The following PCDHGA6 variants were observed in gnomAD, a reference collection of about 807,000 sequenced individuals.
PCDHGA6 encodes the protein protocadherin gamma subfamily A, 6, also known as protocadherin gamma-A6.
A neutral mutation model predicts 60.6 loss-of-function variants in PCDHGA6; 41 were observed. That is an observed-to-expected ratio of 0.68 (90% confidence interval 0.53 to 0.88). The LOEUF (loss-of-function observed/expected upper bound fraction) is 0.88, where lower values mean the gene tolerates loss of function less well. Among genes scored for constraint, PCDHGA6 ranks in the 40% least tolerant of loss-of-function variants. The pLI is 0.00. For synonymous variants in PCDHGA6, 594 were observed against 524.4 expected (o/e 1.13, Z -1.81); for missense variants, 1,312 against 1,203.0 (o/e 1.09, Z -1.34).
chr5:141,375,681 C>T lies in PCDHGA6; in HGVS notation c.1598C>T (p.Thr533Ile). 2.5e-6 allele frequency: 4 copies of T among 1,614,270 alleles called. No individual in the cohort carries two copies. The highest frequency in any genetic ancestry group is 3.4e-6 in the Non-Finnish European group (4 of 1,180,052). The change falls in exon 1 of 4, where the codon ACA becomes ATA. Residue 533 changes from threonine (T) to isoleucine (I), a missense_variant. Coordinates refer to ENST00000517434, the MANE Select transcript of PCDHGA6 (RefSeq NM_018919.3). ...TTGAGAGACCTACAGCTGTGGGTGA[C>T]AGCCAGCGACAGCGGGGACCCGCCT... ...EQLRDLQLWV[T>I]ASDSGDPPLS...
Position 141,485,447 on chromosome 5 carries a change from C to G in PCDHGA6, c.2425-9360C>G, listed in dbSNP as rs1233800346. 6.2e-7 allele frequency: 1 copy of G among 1,614,144 alleles called. No individual in the cohort carries two copies. The highest frequency in any genetic ancestry group is 8.5e-7 in the Non-Finnish European group (1 of 1,180,036). On this transcript the variant is annotated intron_variant, in intron 1 of 3. Transcript: ENST00000517434. This position sits in a 1 kb window ranked among gnomAD's most constrained non-coding sequence, Gnocchi z 5.7. ...CCTGCTCATCAAGAACCCAATCGAC[C>G]GAGAGGCACTGTGTGGGCTCAGTGC... is the stretch of plus-strand genomic sequence containing the variant.
intron 1 of PCDHGA6, among the ~76,000 whole-genome samples, chr5:141,454,357 TAGAA>T (rs758087339): frequency 3.5e-4 from 54 of 152,354 alleles, no homozygotes; most frequent in Non-Finnish European, 6.3e-4. Context: ...GATCCAAACT[TAGAA>T]AGGAGTATGG....
In PCDHGA6 at chr5:141,376,345, C is replaced by G. The variant is rs747833428; in HGVS notation, c.2262C>G (p.Ser754=). ...TTCGGGCTTTCCTGCAGACCTATTC[C>G]CACGAGGTCTCACTCACTGCAGACT... ...EGVRAFLQTY[S]HEVSLTADSR... Residue 754 remains serine (S), a synonymous_variant, in exon 1 of 4, where the codon TCC becomes TCG. Coordinates refer to ENST00000517434, the MANE Select transcript of PCDHGA6 (RefSeq NM_018919.3). 1 of 1,614,084 alleles carries G rather than the reference C, an allele frequency of 6.2e-7. No individual in the cohort carries two copies. The highest frequency in any genetic ancestry group is 1.3e-5 in the African/African-American group (1 of 74,924).
intron 1 of PCDHGA6, among the ~76,000 whole-genome samples, chr5:141,467,087 C>T (rs1159093881): frequency 3.4e-5 from 5 of 147,240 alleles, no homozygotes; most frequent in African/African-American, 1.3e-4. Context: ...AAGTCTCACT[C>T]TGTCACACAG....
chr5:141,408,801 T>C, intron 1 of PCDHGA6: 1 of 1,613,142 alleles, frequency 6.2e-7, no homozygotes, highest in Admixed American at 1.7e-5. Context: ...GAGAAACTCC[T>C]AGACCGGGAA....
chr5:141,393,261 G>A lies in PCDHGA6; in HGVS notation c.2424+16754G>A, dbSNP rs567943150. 16 of 1,613,898 alleles carry A rather than the reference G, an allele frequency of 9.9e-6. 1 individual carries two copies. Among genetic ancestry groups the A allele is most frequent in the South Asian group, 1.1e-5 (1 of 91,090 alleles). ...AATTAACGAAATCGCGGTTCCTGGAGCACGTTATCCACTCCCAGAAGCTGT... is the reference window on the plus strand; with the variant it reads ...AATTAACGAAATCGCGGTTCCTGGAACACGTTATCCACTCCCAGAAGCTGT... On this transcript the variant is annotated intron_variant, in intron 1 of 3. Transcript: ENST00000517434.
intron 1 of PCDHGA6, chr5:141,390,294 TA>T: frequency 6.2e-7 from 1 of 1,613,956 alleles, no homozygotes; most frequent in South Asian, 1.1e-5. Flanking sequence ...GAGTTTCCTT[TA>T]AGTATAATTT....
rs761264372 is a variant in PCDHGA6 at position 141,489,500 on chromosome 5, A to G, written c.2425-5307A>G. 12 of 1,614,112 alleles carry G rather than the reference A, an allele frequency of 7.4e-6. No individual in the cohort carries two copies. In the South Asian group the frequency reaches 1.3e-4, roughly 18 times the overall value. On this transcript the variant is annotated intron_variant, in intron 1 of 3. Coordinates refer to ENST00000517434, the MANE Select transcript of PCDHGA6 (RefSeq NM_018919.3). This position sits in a 1 kb window ranked among gnomAD's most constrained non-coding sequence, Gnocchi z 4.5. ...TTGATGAGTGGTGCCCTGGCAGTGA[A>G]TCAAAAGATTGACCGAGAAAGCCTA...
intron 1 of PCDHGA6, chr5:141,441,477 C>T (rs529495102): frequency 1.2e-4 from 20 of 170,782 alleles, no homozygotes; most frequent in Middle Eastern, 5.7e-4. Context: ...ATGCCAACGA[C>T]AATGCTCTGG....
intron 1 of PCDHGA6, chr5:141,427,093 G>A (rs1446677593): frequency 2.2e-6 from 1 of 458,122 alleles, no homozygotes. Flanking sequence ...CAGGATGAGG[G>A]TGTCAATGCG....
intron 1 of PCDHGA6, among the ~76,000 whole-genome samples, chr5:141,470,385 T>C (rs1278833959): frequency 1.3e-5 from 2 of 152,206 alleles, no homozygotes; most frequent in Non-Finnish European, 2.9e-5. Flanking sequence ...GACTACTCGA[T>C]GATATTTAGG....
At position 141,405,389 on chromosome 5, in the gene PCDHGA6, T is replaced by C. The variant is rs577174600; in HGVS notation, c.2424+28882T>C. ...CCCTTTGGTTCCGGTGAGTTCATTT[T>C]TTTTCTTTCTTTCTTTTCTTTTTTT... On this transcript the variant is annotated intron_variant, in intron 1 of 3. Transcript: ENST00000517434. The C allele has an allele frequency of 2.5e-6, 4 of 1,600,534 alleles. No individual in the cohort carries two copies. The East Asian group carries it at 6.7e-5, about 27-fold the overall frequency.
At chr5:141,414,691 T>A (rs2095777481) in intron 1 of PCDHGA6, 1 of 1,613,848 alleles carries the variant, frequency 6.2e-7, no homozygotes, top group African/African-American at 1.3e-5. Context: ...GGTACCTCTG[T>A]CCTCATACAT....
At chr5:141,455,899 ATTTATTT>A (rs1441561749) in intron 1 of PCDHGA6, among the ~76,000 whole-genome samples, 5 of 148,258 alleles carry the variant, frequency 3.4e-5, no homozygotes, top group African/African-American at 1.2e-4. Context: ...TTATTTATTT[ATTTATTT>A]ATTTATTTTG....
intron 1 of PCDHGA6, chr5:141,413,863 G>A (rs1367797365): frequency 1.9e-6 from 3 of 1,613,356 alleles, no homozygotes; most frequent in Admixed American, 1.7e-5. Flanking sequence ...ATCTGGCACT[G>A]TCCTTGTCAG....
chr5:141,413,328 C>G, intron 1 of PCDHGA6: 1 of 1,614,004 alleles, frequency 6.2e-7, no homozygotes, highest in Non-Finnish European at 8.5e-7. Context: ...TCGTGGGCAA[C>G]ATCTCCAAGG....
intron 1 of PCDHGA6, chr5:141,389,423 C>T: frequency 1.9e-6 from 3 of 1,613,516 alleles, no homozygotes; most frequent in Admixed American, 1.7e-5. Context: ...GGGTGGTGTT[C>T]GCGCAGCGCG....
intron 1 of PCDHGA6, chr5:141,395,290 T>A: frequency 6.5e-7 from 1 of 1,529,840 alleles, no homozygotes; most frequent in Non-Finnish European, 8.8e-7. Flanking sequence ...TTATTTGGCA[T>A]AAATTATGTT....
chr5:141,421,051 A>G (rs1330155141), intron 1 of PCDHGA6: 8 of 559,830 alleles, frequency 1.4e-5, no homozygotes, highest in South Asian at 2.6e-5. Flanking sequence ...CCCCGCCTCT[A>G]CCACACAAAG....
Sources: allele counts gnomAD v4.1 joint callset (sites outside exome capture counted in the v4.1 genomes callset), GRCh38; gene constraint gnomAD v4.1.1; non-coding constraint Gnocchi (gnomAD v3.1); transcripts MANE v1.5; gene names NCBI Gene and HGNC (gene_info 2026-07-23, HGNC 2026-07-21).